CHN1: variants seen among roughly 807,000 people sequenced by gnomAD.
CHN1 encodes the protein N-chimaerin.
Under a neutral mutation model 59.5 loss-of-function variants are expected in CHN1, and 37 were observed. The observed-to-expected ratio is 0.62, with a 90% CI of 0.48 to 0.82. The LOEUF is 0.82. Among genes scored for constraint, CHN1 ranks in the 40% least tolerant of loss-of-function variants. The pLI is 0.00. For synonymous variants in CHN1, 206 were observed against 200.4 expected (o/e 1.03, Z -0.24); for missense variants, 469 against 571.0 (o/e 0.82, Z 1.82).
intron 6 of CHN1, among the ~76,000 whole-genome samples, chr2:174,863,365 A>G (rs1687123798): frequency 6.6e-6 from 1 of 152,136 alleles, no homozygotes; most frequent in Non-Finnish European, 1.5e-5. Context: ...AGAAATTACT[A>G]CTTGTCCAGT....
intron 7 of CHN1, among the ~76,000 whole-genome samples, chr2:174,844,087 G>A (rs1438125695): frequency 1.6e-4 from 25 of 151,760 alleles, no homozygotes; most frequent in Admixed American, 1.4e-3. Flanking sequence ...ATAACTTATA[G>A]TGTAATAGTT....
chr2:174,924,596 C>T (rs1392525778), intron 3 of CHN1, among the ~76,000 whole-genome samples: 1 of 152,136 alleles, frequency 6.6e-6, no homozygotes, highest in Non-Finnish European at 1.5e-5. Flanking sequence ...TCTACAATAG[C>T]ATTTAGATGT....
At chr2:174,815,485 G>A (rs903490356) in intron 8 of CHN1, among the ~76,000 whole-genome samples, 2 of 151,862 alleles carry the variant, frequency 1.3e-5, no homozygotes, top group Non-Finnish European at 2.9e-5. Context: ...TGTCTATTCT[G>A]CTATTAAGCC....
chr2:174,966,571 T>G (rs578253932), intron 1 of CHN1, among the ~76,000 whole-genome samples: 1 of 152,316 alleles, frequency 6.6e-6, no homozygotes, highest in African/African-American at 2.4e-5. Flanking sequence ...TGTAACCAGC[T>G]TGGCAGACCT....
intron 6 of CHN1, among the ~76,000 whole-genome samples, chr2:174,864,643 G>A (rs1687161745): frequency 6.6e-6 from 1 of 152,122 alleles, no homozygotes; most frequent in South Asian, 2.1e-4. Flanking sequence ...GGCTGAGGCG[G>A]GCAGACTGCT....
chr2:174,860,906 C>T (rs543835830), intron 6 of CHN1, among the ~76,000 whole-genome samples: 1 of 152,028 alleles, frequency 6.6e-6, no homozygotes, highest in African/African-American at 2.4e-5. Flanking sequence ...CTCTGAAGTC[C>T]AAACCACAGG....
At chr2:174,834,701 G>T (rs946083158) in intron 7 of CHN1, among the ~76,000 whole-genome samples, 2 of 152,222 alleles carry the variant, frequency 1.3e-5, no homozygotes, top group African/African-American at 4.8e-5. Flanking sequence ...GTGAGTACCA[G>T]TGAAAAAGGA....
chr2:174,845,569 T>C (rs527541955), intron 7 of CHN1, among the ~76,000 whole-genome samples: 1 of 152,284 alleles, frequency 6.6e-6, no homozygotes, highest in Non-Finnish European at 1.5e-5. Context: ...TATTTCATTT[T>C]AAATCAAGAT....
intron 6 of CHN1, among the ~76,000 whole-genome samples, chr2:174,862,835 G>A (rs1687109768): frequency 6.6e-6 from 1 of 152,080 alleles, no homozygotes; most frequent in South Asian, 2.1e-4. Context: ...TGGTTGTCTT[G>A]AGGAAAAGTA....
intron 1 of CHN1, among the ~76,000 whole-genome samples, chr2:174,988,451 T>C (rs764844641): frequency 1.0e-3 from 152 of 152,302 alleles, no homozygotes; most frequent in South Asian, 1.9e-3. Context: ...CATTTTTAAT[T>C]GTCTACAACT....
chr2:174,982,357 C>A (rs1215195681), intron 1 of CHN1, among the ~76,000 whole-genome samples: 1 of 152,062 alleles, frequency 6.6e-6, no homozygotes, highest in East Asian at 1.9e-4. Context: ...GTTCTAGATC[C>A]CTGAGGAATT....
At chr2:174,970,125 T>C (rs1439257873) in intron 1 of CHN1, among the ~76,000 whole-genome samples, 1 of 152,138 alleles carries the variant, frequency 6.6e-6, no homozygotes, top group Non-Finnish European at 1.5e-5. Context: ...AAAGTATTGG[T>C]TTTGTTAAAT....
intron 1 of CHN1, among the ~76,000 whole-genome samples, chr2:174,968,823 G>C (rs987058345): frequency 6.6e-6 from 1 of 152,220 alleles, no homozygotes; most frequent in Admixed American, 6.5e-5. Context: ...TTCAAAAGTG[G>C]AAGTATTTTT....
At chr2:174,808,553 G>T (rs1684978287) in intron 11 of CHN1, among the ~76,000 whole-genome samples, 1 of 152,186 alleles carries the variant, frequency 6.6e-6, no homozygotes, top group Non-Finnish European at 1.5e-5. Context: ...CCAAAGTGCT[G>T]GGATTACAGG....
At chr2:174,973,372 C>G (rs1690820044) in intron 1 of CHN1, among the ~76,000 whole-genome samples, 1 of 152,148 alleles carries the variant, frequency 6.6e-6, no homozygotes. Context: ...AGTAGACCAA[C>G]TCAGGCTGCT....
chr2:174,947,307 G>C (rs950567888), intron 2 of CHN1, among the ~76,000 whole-genome samples: 5 of 152,036 alleles, frequency 3.3e-5, no homozygotes, highest in African/African-American at 1.2e-4. Flanking sequence ...AGGGTATATA[G>C]TATTTTCTTA....
At chr2:174,974,778 T>G (rs957730946) in intron 1 of CHN1, among the ~76,000 whole-genome samples, 13 of 152,282 alleles carry the variant, frequency 8.5e-5, no homozygotes, top group Admixed American at 3.3e-4. Flanking sequence ...ACCATGAGAT[T>G]GGTTTCCTTC....
chr2:174,920,360 C>T (rs1688980647), intron 3 of CHN1, among the ~76,000 whole-genome samples: 1 of 152,068 alleles, frequency 6.6e-6, no homozygotes, highest in Non-Finnish European at 1.5e-5. Flanking sequence ...AGTGAGATTG[C>T]AGAATCATGG....
At chr2:174,876,518 A>C (rs894228468) in intron 6 of CHN1, among the ~76,000 whole-genome samples, 4 of 152,242 alleles carry the variant, frequency 2.6e-5, no homozygotes, top group Non-Finnish European at 5.9e-5. Flanking sequence ...TAAGGATTTT[A>C]AGTTCTGGCT....
Sources: gnomAD v4.1 joint callset for allele counts (sites outside exome capture counted in the v4.1 genomes callset) on GRCh38, gnomAD v4.1.1 for gene constraint, MANE v1.5 for transcripts, NCBI Gene and HGNC (gene_info 2026-07-23, HGNC 2026-07-21) for gene names.